Variants in TENM1 observed in about 807,000 individuals in gnomAD.
The protein encoded by TENM1 is teneurin-1.
A neutral mutation model predicts 174.8 loss-of-function variants in TENM1; 35 were observed. That is an observed-to-expected ratio of 0.20 (90% CI 0.15 to 0.27). The LOEUF is 0.27. TENM1 is among the 10% of genes least tolerant of loss of function. The probability of loss-of-function intolerance (pLI) is 1.00; values close to 1 mark genes in which losing one functional copy is unlikely to be tolerated. For missense variants in TENM1, 1,633 were observed against 2,130.1 expected (o/e 0.77, Z 4.59); for synonymous variants, 781 against 798.7 (o/e 0.98, Z 0.37).
chrX:125,061,333 T>C, the TENM1 span, among the ~76,000 whole-genome samples: 3 of 111,819 alleles, frequency 2.7e-5, no homozygotes, highest in South Asian at 1.1e-3. Flanking sequence ...TGTGAGCTCA[T>C]GACCGTGCAT....
At chrX:125,189,803 C>T in the TENM1 span, among the ~76,000 whole-genome samples, 1 of 112,126 alleles carries the variant, frequency 8.9e-6, no homozygotes, top group Non-Finnish European at 1.9e-5. Context: ...AATATGCATA[C>T]ATGTGTATGG....
intron 8 of TENM1, among the ~76,000 whole-genome samples, chrX:124,648,403 C>A (rs181149492): frequency 3.3e-3 from 373 of 111,937 alleles, no homozygotes; most frequent in Non-Finnish European, 5.3e-3. Context: ...ATGCCTTTTG[C>A]GGGTTTATGC....
chrX:124,863,188 G>C (rs1469301428), intron 3 of TENM1, among the ~76,000 whole-genome samples: 4 of 110,329 alleles, frequency 3.6e-5, no homozygotes, highest in Non-Finnish European at 7.6e-5. Context: ...CTCAGCACAT[G>C]ATCAGCTGTG....
chrX:124,586,185 T>G (rs1033834913), intron 11 of TENM1, among the ~76,000 whole-genome samples: 1 of 110,993 alleles, frequency 9.0e-6, no homozygotes, highest in Non-Finnish European at 1.9e-5. Context: ...TAACTCATTT[T>G]ATGAGGCCAG....
the TENM1 span, among the ~76,000 whole-genome samples, chrX:125,120,522 G>A: frequency 2.7e-5 from 3 of 109,717 alleles, no homozygotes; most frequent in Non-Finnish European, 5.7e-5. Context: ...GTGTCCATGT[G>A]TTCTTATCTG....
chrX:124,924,424 G>T (rs1192114018), intron 1 of TENM1, among the ~76,000 whole-genome samples: 1 of 111,072 alleles, frequency 9.0e-6, no homozygotes, highest in South Asian at 3.8e-4. Context: ...CTTTTCTAAC[G>T]TTTCTTTCCT....
intron 3 of TENM1, among the ~76,000 whole-genome samples, chrX:124,878,405 T>G (rs1373323413): frequency 6.4e-5 from 7 of 110,170 alleles, no homozygotes; most frequent in Admixed American, 5.8e-4. Flanking sequence ...CCAAATCTCA[T>G]GTTAAAATGT....
chrX:124,633,741 T>C (rs912228426), intron 11 of TENM1, among the ~76,000 whole-genome samples: 1 of 111,137 alleles, frequency 9.0e-6, no homozygotes. Context: ...TGACAAATCA[T>C]CTCTGAGTCG....
chrX:124,481,997 A>C, intron 21 of TENM1, 33 bp from the exon 25 acceptor site: 1 of 1,024,865 alleles, frequency 9.8e-7, no homozygotes, highest in East Asian at 3.1e-5. Context: ...TATTCAAGGC[A>C]ATTTTTCAAC....
At chrX:124,801,401 T>A (rs1341070812) in intron 3 of TENM1, among the ~76,000 whole-genome samples, 1 of 111,918 alleles carries the variant, frequency 8.9e-6, no homozygotes, top group Non-Finnish European at 1.9e-5. Context: ...TGTCAGAGAC[T>A]AGGATTGCAA....
At chrX:124,824,939 C>G (rs2056120392) in intron 3 of TENM1, among the ~76,000 whole-genome samples, 1 of 110,901 alleles carries the variant, frequency 9.0e-6, no homozygotes, top group African/African-American at 3.3e-5. Flanking sequence ...ACCCCACATC[C>G]TAAATCTTGC....
intron 15 of TENM1, among the ~76,000 whole-genome samples, chrX:124,530,890 G>T (rs755167470): frequency 3.1e-4 from 35 of 111,993 alleles, no homozygotes; most frequent in Non-Finnish European, 6.0e-4. Context: ...CGCTAGCCTG[G>T]CTGACAAGCT....
At chrX:124,886,260 C>G (rs1363543596) in intron 3 of TENM1, among the ~76,000 whole-genome samples, 1 of 109,627 alleles carries the variant, frequency 9.1e-6, no homozygotes, top group Non-Finnish European at 1.9e-5. Flanking sequence ...AATAATATAT[C>G]AAGATCAACT....
At chrX:125,029,440 G>A in the TENM1 span, among the ~76,000 whole-genome samples, 1 of 111,037 alleles carries the variant, frequency 9.0e-6, no homozygotes, top group African/African-American at 3.3e-5. Flanking sequence ...TCCTAGCAGG[G>A]TTGTAGGCAT....
intron 3 of TENM1, among the ~76,000 whole-genome samples, chrX:124,833,717 C>T: frequency 9.0e-6 from 1 of 111,358 alleles, no homozygotes; most frequent in Non-Finnish European, 1.9e-5. Context: ...CACTCTTCAA[C>T]TTATCAGGGG....
At chrX:124,870,932 T>C (rs1402468124) in intron 3 of TENM1, among the ~76,000 whole-genome samples, 4 of 112,024 alleles carry the variant, frequency 3.6e-5, no homozygotes, top group Admixed American at 9.5e-5. Context: ...ATATTTTATA[T>C]AATGATCAAA....
chrX:124,578,081 A>C, intron 11 of TENM1, among the ~76,000 whole-genome samples: 1 of 98,409 alleles, frequency 1.0e-5, no homozygotes, highest in African/African-American at 3.9e-5. Flanking sequence ...ACATGCCACC[A>C]TGCCCAGCTA....
At chrX:125,110,493 G>A in the TENM1 span, among the ~76,000 whole-genome samples, 1 of 110,788 alleles carries the variant, frequency 9.0e-6, no homozygotes, top group Non-Finnish European at 1.9e-5. Flanking sequence ...GTCTGAAATG[G>A]CAAGGCTGAA....
chrX:124,437,081 C>T (rs1418970282), intron 23 of TENM1, among the ~76,000 whole-genome samples: 1 of 100,040 alleles, frequency 1.0e-5, no homozygotes, highest in Non-Finnish European at 2.0e-5. Flanking sequence ...GCTGGAATTA[C>T]AGGCACCCAC....
Sources: allele counts gnomAD v4.1 joint callset (sites outside exome capture counted in the v4.1 genomes callset), GRCh38; gene constraint gnomAD v4.1.1; transcripts MANE v1.5; gene names NCBI Gene and HGNC (gene_info 2026-07-23, HGNC 2026-07-21).